HSD17B4: variants seen among roughly 807,000 people sequenced by gnomAD.
The protein encoded by HSD17B4 is peroxisomal multifunctional enzyme type 2.
HSD17B4 carries 70 observed loss-of-function variants against 101.0 expected under a neutral mutation model. The observed-to-expected ratio is 0.69, with a 90% CI of 0.57 to 0.85. The LOEUF is 0.85. Among genes scored for constraint, HSD17B4 ranks in the 40% least tolerant of loss-of-function variants. The pLI is 0.00. For missense variants in HSD17B4, 984 were observed against 892.4 expected, an observed-to-expected ratio of 1.10 and a Z score of -1.31; for synonymous variants, 347 against 297.1, an observed-to-expected ratio of 1.17 and a Z score of -1.73.
intron 17 of HSD17B4, among the ~76,000 whole-genome samples, chr5:119,517,189 G>T (rs958727785): frequency 1.3e-5 from 2 of 152,210 alleles, no homozygotes; most frequent in Non-Finnish European, 2.9e-5. Flanking sequence ...TGGCGGGCCC[G>T]GCACTCAGAG....
intron 9 of HSD17B4, among the ~76,000 whole-genome samples, chr5:119,491,621 A>C (rs1199308974): frequency 6.6e-6 from 1 of 152,134 alleles, no homozygotes; most frequent in Non-Finnish European, 1.5e-5. Context: ...CACTAAGTCA[A>C]ATACTCATTT....
rs747351709 is a variant in HSD17B4, at chr5:119,474,384, A to G, written c.221-17A>G. ...GGGAGGTTGCCGAAATTTCATACAAATTTTCCTTTCCCTCAGATTCAGTGG... is the reference window on the plus strand; with the variant it reads ...GGGAGGTTGCCGAAATTTCATACAAGTTTTCCTTTCCCTCAGATTCAGTGG... On this transcript the variant is annotated splice_polypyrimidine_tract_variant and intron_variant, in intron 3 of 23. Coordinates refer to ENST00000510025, the MANE Select transcript of HSD17B4 (RefSeq NM_000414.4). 2.5e-6 allele frequency: 4 copies of G among 1,587,880 alleles called. No individual in the cohort carries two copies. The highest frequency in any genetic ancestry group is 4.5e-5 in the East Asian group (2 of 44,684).
chr5:119,501,065 T>C (rs1400029104), intron 13 of HSD17B4, among the ~76,000 whole-genome samples: 1 of 152,120 alleles, frequency 6.6e-6, no homozygotes, highest in Non-Finnish European at 1.5e-5. Context: ...ACAAGAAATA[T>C]GTGCTGGGCA....
At chr5:119,526,792 C>T (rs907212450) in intron 19 of HSD17B4, among the ~76,000 whole-genome samples, 1 of 151,898 alleles carries the variant, frequency 6.6e-6, no homozygotes, top group Non-Finnish European at 1.5e-5. Context: ...ATTCCTTAGA[C>T]TTAATTTGTA....
chr5:119,518,224 C>T lies in HSD17B4; in HGVS notation c.1503+3178C>T, dbSNP rs1250068664. ...GAAGCCAGCGAGACCATGAGCCCAC[C>T]GGGAGGAACGAACAACTCCAGACGT... On this transcript the variant is annotated intron_variant, in intron 17 of 23. Coordinates refer to ENST00000510025, the MANE Select transcript of HSD17B4 (RefSeq NM_000414.4). Among the ~76,000 whole-genome samples the T allele has an allele frequency of 5.3e-5, 8 of 152,116 alleles. No homozygotes were observed. The South Asian group carries it at 8.3e-4, about 16-fold the overall frequency.
Position 119,489,204 on chromosome 5 carries a change from C to T in HSD17B4, c.635C>T (p.Ala212Val). ...TTCTTTATTTCAGATCTTGTGGAAGCCCTGAAGCCAGAGTATGTGGCACCT... is the reference window on the plus strand; with the variant it reads ...TTCTTTATTTCAGATCTTGTGGAAGTCCTGAAGCCAGAGTATGTGGCACCT... Reference protein sequence around the residue: ...QTVMPEDLVEALKPEYVAPLV... With the variant: ...QTVMPEDLVEVLKPEYVAPLV... The change falls in exon 9 of 24, where the codon GCC (alanine) becomes GTC (valine). Residue 212 changes from alanine to valine, a missense_variant. Ala to Val is a moderately conservative substitution (Grantham distance 64). Transcript: ENST00000510025. 2 of 1,604,368 alleles carry T rather than the reference C, an allele frequency of 1.2e-6. No individual in the cohort carries two copies. The highest frequency in any genetic ancestry group is 1.1e-5 in the South Asian group (1 of 90,916).
chr5:119,483,056 A>G (rs941755831), intron 8 of HSD17B4, among the ~76,000 whole-genome samples: 1 of 152,074 alleles, frequency 6.6e-6, no homozygotes, highest in African/African-American at 2.4e-5. Flanking sequence ...CTCTGGGCAT[A>G]TTTCAAAATG....
intron 15 of HSD17B4, among the ~76,000 whole-genome samples, chr5:119,508,104 T>G (rs2126810788): frequency 6.6e-6 from 1 of 152,182 alleles, no homozygotes; most frequent in African/African-American, 2.4e-5. Flanking sequence ...TTCTCCTCCT[T>G]TTCCTCTTCC....
intron 8 of HSD17B4, among the ~76,000 whole-genome samples, chr5:119,486,878 T>A (rs1299554478): frequency 6.6e-6 from 1 of 152,148 alleles, no homozygotes; most frequent in African/African-American, 2.4e-5. Context: ...TCCATTGTAG[T>A]TCAAATCTGC....
At chr5:119,480,634 T>C (rs944934784) in intron 8 of HSD17B4, among the ~76,000 whole-genome samples, 2 of 152,176 alleles carry the variant, frequency 1.3e-5, no homozygotes, top group African/African-American at 4.8e-5. Context: ...TTGGGCACCA[T>C]TGTCATTGAT....
chr5:119,512,426 G>C (rs908462149), intron 16 of HSD17B4, among the ~76,000 whole-genome samples: 1 of 151,982 alleles, frequency 6.6e-6, no homozygotes, highest in Non-Finnish European at 1.5e-5. Context: ...GAAACGAAAA[G>C]GTTGAAAATA....
At chr5:119,501,054 G>A (rs1751113044) in intron 13 of HSD17B4, among the ~76,000 whole-genome samples, 1 of 152,114 alleles carries the variant, frequency 6.6e-6, no homozygotes, top group African/African-American at 2.4e-5. Context: ...TTGGGAGGAA[G>A]ACAAGAAATA....
At chr5:119,521,119 T>G (rs1753078752) in intron 17 of HSD17B4, among the ~76,000 whole-genome samples, 2 of 152,332 alleles carry the variant, frequency 1.3e-5, no homozygotes, top group South Asian at 4.2e-4. Flanking sequence ...TAGTGTTGCC[T>G]TGGTTTCTAT....
intron 17 of HSD17B4, among the ~76,000 whole-genome samples, chr5:119,524,823 A>C (rs1753429460): frequency 6.6e-6 from 1 of 152,138 alleles, no homozygotes; most frequent in African/African-American, 2.4e-5. Context: ...TAGAAGCTTC[A>C]ATTTAAAACA....
Position 119,455,542 on chromosome 5 carries a change from TTCTC to T in HSD17B4, c.59-749_59-746del, listed in dbSNP as rs200829499. On this transcript the variant is annotated intron_variant, in intron 1 of 23. Coordinates refer to ENST00000510025, the MANE Select transcript of HSD17B4 (RefSeq NM_000414.4). ...AAAAAAAAAGAAAAAAAGCAAAACTTTCTCTCTCTCTCTCTCTCTCTCTCTCTAT... is the reference window on the plus strand; with the variant it reads ...AAAAAAAAAGAAAAAAAGCAAAACTTTCTCTCTCTCTCTCTCTCTCTCTAT... Among the ~76,000 whole-genome samples the T allele has an allele frequency of 8.6e-3, 1,193 of 139,340 alleles. 16 individuals carry two copies. Among genetic ancestry groups the T allele is most frequent in the African/African-American group, 0.028 (1,065 of 37,416 alleles). The allele number at this position is 139,340 out of a possible 152,430, so 91.4% of individuals were successfully genotyped here.
chr5:119,525,017 A>G (rs1753449411), intron 17 of HSD17B4, among the ~76,000 whole-genome samples, 199 bp from the exon 18 acceptor site: 2 of 151,778 alleles, frequency 1.3e-5, no homozygotes, highest in Admixed American at 1.3e-4. Context: ...TTTCCCTCCC[A>G]CTGATTTTAG....
intron 2 of HSD17B4, among the ~76,000 whole-genome samples, chr5:119,457,927 C>G (rs114910820): frequency 0.012 from 1,770 of 152,250 alleles, 38 homozygotes; most frequent in African/African-American, 0.041. Flanking sequence ...AAGATATAAA[C>G]TTAGTTTATA....
chr5:119,514,048 A>G (rs26183), intron 16 of HSD17B4, among the ~76,000 whole-genome samples: 8,973 of 152,286 alleles, frequency 0.059, 262 homozygotes, highest in Middle Eastern at 0.11. Context: ...CAGGTCCTCC[A>G]AAACCTAGTA....
At chr5:119,502,842 C>A (rs538892551) in intron 14 of HSD17B4, among the ~76,000 whole-genome samples, 1 of 152,102 alleles carries the variant, frequency 6.6e-6, no homozygotes, top group South Asian at 2.1e-4. Context: ...AGCTTTATTT[C>A]AGTGTAAGTA....
Sources: allele counts gnomAD v4.1 joint callset (sites outside exome capture counted in the v4.1 genomes callset), GRCh38; gene constraint gnomAD v4.1.1; transcripts MANE v1.5; gene names NCBI Gene and HGNC (gene_info 2026-07-23, HGNC 2026-07-21).